Variants in CAMK1D observed in about 807,000 individuals in gnomAD.
The protein encoded by CAMK1D is calcium/calmodulin dependent protein kinase ID.
Under a neutral mutation model 47.7 loss-of-function variants are expected in CAMK1D, and 9 were observed. The observed-to-expected ratio is 0.19, with a 90% confidence interval of 0.11 to 0.33. The LOEUF is 0.33. Ranked by LOEUF, CAMK1D falls within the 10% of genes least tolerant of loss-of-function variation. The pLI, the probability that CAMK1D is intolerant of heterozygous loss-of-function variation, is 1.00. For synonymous variants in CAMK1D, 184 were observed against 184.9 expected, an observed-to-expected ratio of 0.99 and a Z score of 0.04; for missense variants, 291 against 488.7, an observed-to-expected ratio of 0.60 and a Z score of 3.81.
intron 2 of CAMK1D, among the ~76,000 whole-genome samples, chr10:12,563,714 A>G (rs1837029443): frequency 6.6e-6 from 1 of 150,502 alleles, no homozygotes; most frequent in Non-Finnish European, 1.5e-5. Context: ...AGAGAGGGAG[A>G]GAGAGAATGA....
intron 1 of CAMK1D, among the ~76,000 whole-genome samples, chr10:12,545,661 G>A (rs2478977): frequency 0.78 from 117,634 of 150,804 alleles, 46,166 homozygotes; most frequent in Middle Eastern, 0.83. Context: ...TTAGCTGGGC[G>A]TGGTGGCGGG....
At position 12,373,333 on chromosome 10, in the gene CAMK1D, T is replaced by C. The variant is rs568002368; in HGVS notation, c.92+23423T>C. ...GTCTCAATAAAAAAGAAAAAAGATATTAAAAAAATAAAAACAGTCCAGGTG... is the reference window on the plus strand; with the variant it reads ...GTCTCAATAAAAAAGAAAAAAGATACTAAAAAAATAAAAACAGTCCAGGTG... On this transcript the variant is annotated intron_variant, in intron 1 of 10. Coordinates refer to ENST00000619168, the MANE Select transcript of CAMK1D (RefSeq NM_153498.4). Among the ~76,000 whole-genome samples, 366 of 142,472 alleles carry C rather than the reference T, an allele frequency of 2.6e-3. 2 individuals are homozygous for C. Among genetic ancestry groups the C allele is most frequent in the Non-Finnish European group, 4.5e-3 (293 of 64,888 alleles). 93.5% of individuals were successfully genotyped at this position (142,472 alleles called of 152,430 possible).
intron 1 of CAMK1D, among the ~76,000 whole-genome samples, chr10:12,470,580 G>A (rs7912090): frequency 0.36 from 53,780 of 150,900 alleles, 9,957 homozygotes; most frequent in Non-Finnish European, 0.41. Context: ...GCGGTGGCGC[G>A]ATCTCTTCTC....
rs190072718 is a variant in CAMK1D at position 12,487,250 on chromosome 10, A to G, written c.93-65975A>G. ...ATGTTCTCATCATTTTAGGAGCTAAATTTTTTCATTAAAATAGGCTTCTCC... is the reference window on the plus strand; with the variant it reads ...ATGTTCTCATCATTTTAGGAGCTAAGTTTTTTCATTAAAATAGGCTTCTCC... On this transcript the variant is annotated intron_variant, in intron 1 of 10. Coordinates refer to ENST00000619168, the MANE Select transcript of CAMK1D (RefSeq NM_153498.4). Among the ~76,000 whole-genome samples, 54 of 152,132 alleles carry G rather than the reference A, an allele frequency of 3.5e-4. No homozygotes were observed. In the Middle Eastern group the frequency reaches 0.014, roughly 38 times the overall value.
intron 3 of CAMK1D, among the ~76,000 whole-genome samples, chr10:12,679,945 G>C (rs1424410631): frequency 6.6e-6 from 1 of 152,196 alleles, no homozygotes; most frequent in Non-Finnish European, 1.5e-5. Context: ...ATCATTGCGA[G>C]TTACAGTGGC....
Position 12,666,790 on chromosome 10 carries a change from C to T in CAMK1D, c.279C>T (p.His93=), listed in dbSNP as rs147676368. The change falls in exon 3 of 11, where the codon CAC becomes CAT. Residue 93 remains histidine (H), a synonymous_variant. Coordinates refer to ENST00000619168, the MANE Select transcript of CAMK1D (RefSeq NM_153498.4). ...ALEDIYESPN[H]LYLVMQLVSG... ...AAGACATTTATGAAAGCCCAAATCA[C>T]CTGTACTTGGTCATGCAGCTGTAAG... The T allele has an allele frequency of 6.2e-7, 1 of 1,613,750 alleles. No homozygotes were observed. The highest frequency in any genetic ancestry group is 8.5e-7 in the Non-Finnish European group (1 of 1,179,726).
chr10:12,671,166 A>T, intron 3 of CAMK1D, among the ~76,000 whole-genome samples: 1 of 152,180 alleles, frequency 6.6e-6, no homozygotes. Context: ...ATATTTTATT[A>T]TCTGGATATA....
chr10:12,562,568 C>T (rs1168976858), intron 2 of CAMK1D, among the ~76,000 whole-genome samples: 1 of 152,168 alleles, frequency 6.6e-6, no homozygotes, highest in Admixed American at 6.5e-5. Context: ...TTGTGATCTA[C>T]CTCTTTGGTT....
chr10:12,497,933 G>A (rs1211330798), intron 1 of CAMK1D, among the ~76,000 whole-genome samples: 2 of 152,212 alleles, frequency 1.3e-5, no homozygotes, highest in East Asian at 3.8e-4. Flanking sequence ...AGGCCTCACA[G>A]TCATGGCGGA....
chr10:12,529,149 C>A (rs999096013), intron 1 of CAMK1D, among the ~76,000 whole-genome samples: 1 of 152,074 alleles, frequency 6.6e-6, no homozygotes, highest in Non-Finnish European at 1.5e-5. Context: ...CTCATCTTCA[C>A]CCTCATCGTC....
At chr10:12,351,805 C>T (rs892012562) in intron 1 of CAMK1D, among the ~76,000 whole-genome samples, 1 of 152,188 alleles carries the variant, frequency 6.6e-6, no homozygotes, top group South Asian at 2.1e-4. Context: ...GCCATGTTCC[C>T]TGTGAGCTTT....
At chr10:12,462,376 G>A (rs1444957228) in intron 1 of CAMK1D, among the ~76,000 whole-genome samples, 1 of 151,896 alleles carries the variant, frequency 6.6e-6, no homozygotes, top group Non-Finnish European at 1.5e-5. Flanking sequence ...ATGTTAGCCA[G>A]GATGGTCTCC....
rs191023418 is a variant in CAMK1D at position 12,709,367 on chromosome 10, G to A, written c.299+42557G>A. ...TAAAGGGAGACAGTGGCTGCAGAAGGCACCAGCTGTCCCCACCTCTTTGCC... is the reference window on the plus strand; with the variant it reads ...TAAAGGGAGACAGTGGCTGCAGAAGACACCAGCTGTCCCCACCTCTTTGCC... On this transcript the variant is annotated intron_variant, in intron 3 of 10. Coordinates refer to ENST00000619168, the MANE Select transcript of CAMK1D (RefSeq NM_153498.4). Among the ~76,000 whole-genome samples the A allele has an allele frequency of 3.9e-5, 6 of 152,140 alleles. No individual in the cohort carries two copies. In the East Asian group the frequency reaches 1.2e-3, roughly 29 times the overall value.
intron 1 of CAMK1D, among the ~76,000 whole-genome samples, chr10:12,406,784 C>G (rs917177544): frequency 6.8e-6 from 1 of 147,912 alleles, no homozygotes; most frequent in African/African-American, 2.5e-5. Context: ...AGTCATGCGT[C>G]CAAATCTCCC....
intron 1 of CAMK1D, among the ~76,000 whole-genome samples, chr10:12,395,858 C>T (rs1440756404): frequency 5.3e-5 from 8 of 151,788 alleles, no homozygotes; most frequent in African/African-American, 1.7e-4. Context: ...ACCCAGGAGG[C>T]GGAGGTTGCT....
At chr10:12,615,575 G>GCA (rs2132422329) in intron 2 of CAMK1D, among the ~76,000 whole-genome samples, 1 of 16,810 alleles carries the variant, frequency 5.9e-5, no homozygotes, top group East Asian at 5.4e-3. Flanking sequence ...TCGTGTGTGT[G>GCA]CGTGTGTGTA....
chr10:12,677,192 T>C (rs1426818180), intron 3 of CAMK1D, among the ~76,000 whole-genome samples: 1 of 152,196 alleles, frequency 6.6e-6, no homozygotes, highest in Non-Finnish European at 1.5e-5. Flanking sequence ...CGTGTGGATA[T>C]TGTATTCATA....
At chr10:12,561,857 A>G (rs1836954718) in intron 2 of CAMK1D, among the ~76,000 whole-genome samples, 1 of 152,232 alleles carries the variant, frequency 6.6e-6, no homozygotes, top group African/African-American at 2.4e-5. Context: ...CACTCCCTGA[A>G]TTGAAGGAAA....
At chr10:12,479,136 G>A (rs1399536217) in intron 1 of CAMK1D, among the ~76,000 whole-genome samples, 1 of 152,170 alleles carries the variant, frequency 6.6e-6, no homozygotes, top group Admixed American at 6.5e-5. Context: ...TCCTGGCCCT[G>A]CCCACGGCGC....
Sources: gnomAD v4.1 joint callset for allele counts (sites outside exome capture counted in the v4.1 genomes callset) on GRCh38, gnomAD v4.1.1 for gene constraint, MANE v1.5 for transcripts, NCBI Gene and HGNC (gene_info 2026-07-23, HGNC 2026-07-21) for gene names.